The following ROBO2 variants were observed in gnomAD, a reference collection of about 807,000 sequenced individuals.
ROBO2 encodes the protein roundabout guidance receptor 2.
In ROBO2, 53 loss-of-function variants were observed where a neutral mutation model predicts 160.8. The observed-to-expected ratio is 0.33, with a 90% CI of 0.26 to 0.41. The LOEUF is 0.41. Ranked by LOEUF, ROBO2 falls within the 10% of genes least tolerant of loss-of-function variation. ROBO2 has a pLI of 1.00. For missense variants in ROBO2, 1,577 were observed against 1,722.4 expected (o/e 0.92, Z 1.49); for synonymous variants, 664 against 611.7 (o/e 1.09, Z -1.26).
intron 2 of ROBO2, among the ~76,000 whole-genome samples, chr3:76,555,396 G>GAAA (rs781316160): frequency 4.2e-5 from 3 of 72,030 alleles, no homozygotes; most frequent in South Asian, 1.4e-3. Flanking sequence ...AGAAGAAGAA[G>GAAA]AAGAAGAAGA....
At chr3:76,669,970 A>C (rs1364759659) in intron 2 of ROBO2, among the ~76,000 whole-genome samples, 2 of 152,110 alleles carry the variant, frequency 1.3e-5, no homozygotes, top group Non-Finnish European at 2.9e-5. Context: ...GCTTCTTACA[A>C]TCATATTTTT....
chr3:77,585,622 TAC>T (rs953309182), intron 16 of ROBO2, among the ~76,000 whole-genome samples: 51 of 151,516 alleles, frequency 3.4e-4, no homozygotes, highest in African/African-American at 1.0e-3. Context: ...ATTTTTTGTG[TAC>T]ACACACACAC....
chr3:77,501,306 G>GT (rs2087567775), intron 5 of ROBO2, among the ~76,000 whole-genome samples: 1 of 150,248 alleles, frequency 6.7e-6, no homozygotes, highest in Non-Finnish European at 1.5e-5. Flanking sequence ...TAAGCAAAAG[G>GT]TAAAAAAAAA....
chr3:76,991,035 T>G (rs1181395022), intron 2 of ROBO2, among the ~76,000 whole-genome samples: 1 of 152,140 alleles, frequency 6.6e-6, no homozygotes, highest in African/African-American at 2.4e-5. Context: ...AACTGGTCAC[T>G]TGTCTTTCAA....
At chr3:76,315,724 A>G (rs558996759) in intron 2 of ROBO2, among the ~76,000 whole-genome samples, 19 of 152,318 alleles carry the variant, frequency 1.2e-4, no homozygotes, top group Admixed American at 3.9e-4. Flanking sequence ...ACTGCCTCAT[A>G]AAACCAGTAT....
At position 76,235,681 on chromosome 3, in the gene ROBO2, G is replaced by A. The variant is rs376489428; in HGVS notation, c.109+298079G>A. On this transcript the variant is annotated intron_variant, in intron 2 of 26. Transcript: ENST00000487694. ...GGAATACGTGAACTTGTAACTGTAC[G>A]TGTTCATAACTTGTCACATTTGCTT... Among the ~76,000 whole-genome samples the A allele has an allele frequency of 4.6e-5, 7 of 152,142 alleles. No individual in the cohort carries two copies. In the East Asian group the frequency reaches 7.7e-4, roughly 17 times the overall value.
At chr3:76,216,255 A>T (rs1298279735) in intron 2 of ROBO2, among the ~76,000 whole-genome samples, 1 of 152,216 alleles carries the variant, frequency 6.6e-6, no homozygotes, top group Non-Finnish European at 1.5e-5. Flanking sequence ...GCATCAACTA[A>T]TGAGCAAAAT....
chr3:76,752,284 G>A (rs1220269152), intron 2 of ROBO2, among the ~76,000 whole-genome samples: 3 of 145,622 alleles, frequency 2.1e-5, no homozygotes, highest in Non-Finnish European at 4.5e-5. Context: ...ACCGGGGCCT[G>A]TAGTGGGGTG....
intron 2 of ROBO2, among the ~76,000 whole-genome samples, chr3:76,785,725 T>C (rs541168608): frequency 6.6e-6 from 1 of 151,320 alleles, no homozygotes; most frequent in Non-Finnish European, 1.5e-5. Context: ...TTTTCACTCC[T>C]CCCCCTTGCC....
chr3:76,910,296 A>AG (rs1559688752), intron 2 of ROBO2, among the ~76,000 whole-genome samples: 1 of 152,096 alleles, frequency 6.6e-6, no homozygotes, highest in Non-Finnish European at 1.5e-5. Flanking sequence ...ATCCTCAACA[A>AG]CTTGTAGATG....
intron 2 of ROBO2, among the ~76,000 whole-genome samples, chr3:76,328,833 T>C (rs1444723895): frequency 4.6e-5 from 7 of 151,360 alleles, no homozygotes; most frequent in Admixed American, 4.6e-4. Flanking sequence ...CACTCCAGCC[T>C]GGGCGACAGA....
intron 2 of ROBO2, among the ~76,000 whole-genome samples, chr3:76,505,729 C>A (rs954844861): frequency 2.0e-5 from 3 of 151,986 alleles, no homozygotes; most frequent in African/African-American, 4.8e-5. Flanking sequence ...TCCCCTAGAG[C>A]CTTGACCCTG....
intron 2 of ROBO2, among the ~76,000 whole-genome samples, chr3:76,602,510 G>A (rs548494864): frequency 6.6e-6 from 1 of 152,358 alleles, no homozygotes; most frequent in Admixed American, 6.5e-5. Flanking sequence ...GGTGGAAGGT[G>A]AAAGACCCAT....
chr3:76,469,106 ACTT>A (rs1266790076), intron 2 of ROBO2, among the ~76,000 whole-genome samples: 1 of 151,996 alleles, frequency 6.6e-6, no homozygotes, highest in Non-Finnish European at 1.5e-5. Flanking sequence ...AGTGAATTCT[ACTT>A]CTTATTCCCC....
At chr3:77,642,890 C>T (rs1171017021) in intron 24 of ROBO2, 2 of 456,548 alleles carry the variant, frequency 4.4e-6, no homozygotes, top group African/African-American at 4.0e-5. Flanking sequence ...ATAAGCTCCA[C>T]AGAACGACAA....
chr3:76,064,888 G>A (rs1056811828), intron 2 of ROBO2, among the ~76,000 whole-genome samples: 1 of 151,992 alleles, frequency 6.6e-6, no homozygotes, highest in Non-Finnish European at 1.5e-5. Context: ...CAAATGTGCC[G>A]TGCTGCCATA....
At chr3:77,448,193 T>C (rs2080756894) in intron 2 of ROBO2, among the ~76,000 whole-genome samples, 1 of 152,094 alleles carries the variant, frequency 6.6e-6, no homozygotes, top group Non-Finnish European at 1.5e-5. Flanking sequence ...CATGGGGCCT[T>C]GCTGATTCCA....
chr3:76,600,373 T>C (rs1040163342), intron 2 of ROBO2, among the ~76,000 whole-genome samples: 1 of 152,180 alleles, frequency 6.6e-6, no homozygotes, highest in Non-Finnish European at 1.5e-5. Context: ...TTTACCAAAA[T>C]ATTGTAAGTC....
intron 2 of ROBO2, among the ~76,000 whole-genome samples, chr3:76,728,633 C>A (rs1474355707): frequency 6.6e-6 from 1 of 152,144 alleles, no homozygotes; most frequent in African/African-American, 2.4e-5. Flanking sequence ...CCCCTAGAGG[C>A]CAGTAATTAT....
Sources: allele counts gnomAD v4.1 joint callset (sites outside exome capture counted in the v4.1 genomes callset), GRCh38; gene constraint gnomAD v4.1.1; transcripts MANE v1.5; gene names NCBI Gene and HGNC (gene_info 2026-07-23, HGNC 2026-07-21).